SLC35D1: variants seen among roughly 807,000 people sequenced by gnomAD.
SLC35D1 encodes solute carrier family 35 member D1, also known as nucleotide sugar transporter SLC35D1.
A neutral mutation model predicts 46.7 loss-of-function variants in SLC35D1; 31 were observed. That is an observed-to-expected ratio of 0.66 (90% CI 0.50 to 0.90). The LOEUF is 0.90. Among genes scored for constraint, SLC35D1 ranks in the 40% least tolerant of loss-of-function variants. The pLI, the probability that SLC35D1 is intolerant of heterozygous loss-of-function variation, is 0.00. For synonymous variants in SLC35D1, 195 were observed against 164.6 expected (o/e 1.18, Z -1.41); for missense variants, 397 against 426.2 (o/e 0.93, Z 0.60).
chr1:66,975,008 T>C, the SLC35D1 span, among the ~76,000 whole-genome samples: 1 of 152,010 alleles, frequency 6.6e-6, no homozygotes, highest in Non-Finnish European at 1.5e-5. Flanking sequence ...GAGAGGATGA[T>C]TTTTTTTAAA....
chr1:67,047,004 G>C (rs922348707), intron 7 of SLC35D1, among the ~76,000 whole-genome samples: 1 of 152,070 alleles, frequency 6.6e-6, no homozygotes, highest in Non-Finnish European at 1.5e-5. Context: ...AGACACTGCA[G>C]TGAACACACT....
At chr1:66,999,275 T>C (rs1667283228), downstream of SLC35D1, 1 of 152,372 alleles carries the variant, frequency 6.6e-6, no homozygotes, top group South Asian at 2.1e-4. Context: ...TTTCTACATA[T>C]GGAGTCTCAA....
chr1:67,008,508 A>T, intron 11 of SLC35D1: 1 of 1,253,152 alleles, frequency 8.0e-7, no homozygotes, highest in South Asian at 1.3e-5. Context: ...CCTTGTTAGA[A>T]TACTGCAAAT....
intron 8 of SLC35D1, among the ~76,000 whole-genome samples, chr1:67,038,834 T>TATACAC (rs1553267581): frequency 1.5e-5 from 2 of 130,560 alleles, no homozygotes; most frequent in Non-Finnish European, 3.5e-5. Flanking sequence ...TAAATATGTA[T>TATACAC]ACACACACAC....
chr1:66,983,479 ACTT>A, the SLC35D1 span, among the ~76,000 whole-genome samples: 12,122 of 152,154 alleles, frequency 0.08, 630 homozygotes, highest in African/African-American at 0.15. Flanking sequence ...CCTATATTTT[ACTT>A]CTTATCACCA....
chr1:67,020,482 T>A (rs527254513), intron 9 of SLC35D1, 35 bp from the exon 10 acceptor site: 1 of 1,423,834 alleles, frequency 7.0e-7, no homozygotes, highest in South Asian at 1.1e-5. Context: ...ATCCAGTTTC[T>A]CACTTTATAC....
chr1:67,011,075 C>G (rs1386621025), intron 10 of SLC35D1, among the ~76,000 whole-genome samples: 1 of 152,128 alleles, frequency 6.6e-6, no homozygotes, highest in Non-Finnish European at 1.5e-5. Flanking sequence ...CTAGCCAAGC[C>G]TCCTCTTCTC....
the SLC35D1 span, among the ~76,000 whole-genome samples, chr1:66,978,641 T>G: frequency 6.6e-6 from 1 of 152,182 alleles, no homozygotes; most frequent in African/African-American, 2.4e-5. Context: ...AATAGTAACA[T>G]CTTTTATTTT....
chr1:67,048,157 G>A (rs1034863441), intron 6 of SLC35D1, among the ~76,000 whole-genome samples: 6 of 152,128 alleles, frequency 3.9e-5, no homozygotes, highest in Non-Finnish European at 7.4e-5. Context: ...TTTTAGGCAG[G>A]ACTAACTTAA....
intron 3 of SLC35D1, among the ~76,000 whole-genome samples, chr1:67,052,502 T>C (rs1415652305): frequency 5.3e-5 from 8 of 152,194 alleles, no homozygotes; most frequent in Non-Finnish European, 1.5e-5. Flanking sequence ...ATTAGATGGA[T>C]AGAGAAACTG....
At chr1:66,984,691 A>T in the SLC35D1 span, 6 of 1,613,954 alleles carry the variant, frequency 3.7e-6, no homozygotes, top group Admixed American at 8.3e-5. Context: ...TATGGATACT[A>T]ATGGTTATGA....
At chr1:67,016,548 T>TA (rs1270779301) in intron 10 of SLC35D1, among the ~76,000 whole-genome samples, 3 of 152,080 alleles carry the variant, frequency 2.0e-5, no homozygotes, top group Non-Finnish European at 2.9e-5. Context: ...ATTACATTAG[T>TA]AAAAGACTAA....
Position 67,042,240 on chromosome 1 carries a change from T to G in SLC35D1, c.725A>C (p.Gln242Pro). 6.2e-7 allele frequency: 1 copy of G among 1,613,872 alleles called. No homozygotes were observed. Among genetic ancestry groups the G allele is most frequent in the East Asian group, 2.2e-5 (1 of 44,880 alleles). ...LAIAYFTGDA[Q>P]KAVEFEGWAD... ...ACCGTAATTAGAAAGTCCTACCTTT[T>G]GTGCATCTCCTGTGAAATACGCAAT... The change falls in exon 8 of 12, where the codon CAA becomes CCA. Residue 242 changes from glutamine (Q) to proline (P), a missense_variant. Transcript: ENST00000235345.
chr1:67,052,137 C>T, intron 3 of SLC35D1, 58 bp from the exon 4 acceptor site: 1 of 1,200,202 alleles, frequency 8.3e-7, no homozygotes, highest in East Asian at 2.3e-5. Flanking sequence ...AAAACAAGGT[C>T]CTTTCAAACA....
At chr1:67,044,117 C>A (rs1420795375) in intron 7 of SLC35D1, among the ~76,000 whole-genome samples, 1 of 152,158 alleles carries the variant, frequency 6.6e-6, no homozygotes, top group African/African-American at 2.4e-5. Context: ...AGGCGGATCG[C>A]CTGAGGTCAG....
the SLC35D1 span, chr1:66,985,197 CTGAA>C: frequency 8.2e-6 from 8 of 975,630 alleles, no homozygotes; most frequent in Admixed American, 5.7e-5. Flanking sequence ...TTTGGTAAAT[CTGAA>C]TGAACTAAAG....
At chr1:66,993,666 C>G in the SLC35D1 span, among the ~76,000 whole-genome samples, 1 of 152,074 alleles carries the variant, frequency 6.6e-6, no homozygotes, top group African/African-American at 2.4e-5. Flanking sequence ...CTCACAAATA[C>G]CACTGTCCAA....
At chr1:67,016,993 C>T (rs1464376810) in intron 10 of SLC35D1, among the ~76,000 whole-genome samples, 3 of 152,060 alleles carry the variant, frequency 2.0e-5, no homozygotes, top group Admixed American at 1.3e-4. Context: ...TTTATGATAT[C>T]AAAAGGAGAA....
intron 11 of SLC35D1, among the ~76,000 whole-genome samples, chr1:67,008,745 C>A (rs572826975): frequency 4.6e-4 from 70 of 152,200 alleles, no homozygotes; most frequent in African/African-American, 1.7e-3. Flanking sequence ...GAACAACAGT[C>A]CTAATGTCCA....
Sources: allele counts gnomAD v4.1 joint callset (sites outside exome capture counted in the v4.1 genomes callset), GRCh38; gene constraint gnomAD v4.1.1; transcripts MANE v1.5; gene names NCBI Gene and HGNC (gene_info 2026-07-23, HGNC 2026-07-21).